Variants in PCSK2 observed in about 807,000 individuals in gnomAD.
PCSK2 encodes neuroendocrine convertase 2.
Under a neutral mutation model 69.7 loss-of-function variants are expected in PCSK2, and 14 were observed. The ratio of observed to expected loss-of-function variants is 0.20; its 90% CI spans 0.13 to 0.31. The LOEUF is 0.31. PCSK2 is among the 10% of genes least tolerant of loss of function. The pLI is 1.00. For synonymous variants in PCSK2, 307 were observed against 320.7 expected (o/e 0.96, Z 0.46); for missense variants, 544 against 842.5 (o/e 0.65, Z 4.39).
chr20:17,433,814 C>CTCCCCCTCTCTCT (rs1555795288), intron 7 of PCSK2, among the ~76,000 whole-genome samples: 4 of 70,862 alleles, frequency 5.6e-5, no homozygotes, highest in Admixed American at 1.6e-4. Flanking sequence ...TCTCTCTCTC[C>CTCCCCCTCTCTCT]CCCCACTTCC....
intron 2 of PCSK2, among the ~76,000 whole-genome samples, chr20:17,344,799 C>T (rs1460765186): frequency 6.6e-6 from 1 of 152,214 alleles, no homozygotes; most frequent in East Asian, 1.9e-4. Context: ...CCAGTGCCTT[C>T]TTACTTCCTT....
chr20:17,425,331 G>A (rs1402095171), intron 6 of PCSK2, among the ~76,000 whole-genome samples: 6 of 151,982 alleles, frequency 3.9e-5, no homozygotes, highest in African/African-American at 1.2e-4. Flanking sequence ...TTAAATAAAC[G>A]AATGCCAAAA....
At chr20:17,267,378 TG>T (rs1251555491) in intron 2 of PCSK2, among the ~76,000 whole-genome samples, 1 of 152,022 alleles carries the variant, frequency 6.6e-6, no homozygotes, top group Non-Finnish European at 1.5e-5. Flanking sequence ...AGAAATGCAA[TG>T]GGGGAGGTAT....
chr20:17,428,997 C>CAA (rs60206058), intron 6 of PCSK2, among the ~76,000 whole-genome samples: 2,299 of 37,012 alleles, frequency 0.062, 390 homozygotes, highest in Non-Finnish European at 0.07. Context: ...GACTCTGTCT[C>CAA]AAAAAAAAAA....
intron 11 of PCSK2, among the ~76,000 whole-genome samples, chr20:17,477,666 C>T (rs1188443400): frequency 6.6e-6 from 1 of 152,110 alleles, no homozygotes; most frequent in Non-Finnish European, 1.5e-5. Flanking sequence ...AAATATCCAA[C>T]ATGCACATGG....
chr20:17,309,194 T>A (rs368579779), intron 2 of PCSK2, among the ~76,000 whole-genome samples: 3 of 152,108 alleles, frequency 2.0e-5, no homozygotes, highest in East Asian at 3.9e-4. Flanking sequence ...AGTGAGTCAA[T>A]GAAGAGAGTT....
chr20:17,372,110 T>C (rs2030782409), intron 5 of PCSK2, among the ~76,000 whole-genome samples: 1 of 152,164 alleles, frequency 6.6e-6, no homozygotes, highest in African/African-American at 2.4e-5. Context: ...AAGGAAGAAC[T>C]GTCTAGTGAT....
intron 2 of PCSK2, among the ~76,000 whole-genome samples, chr20:17,352,848 G>A (rs573743129): frequency 4.2e-4 from 64 of 152,074 alleles, no homozygotes; most frequent in African/African-American, 1.5e-3. Flanking sequence ...ATTGACAGGC[G>A]GACCTAATTA....
At chr20:17,254,750 T>A (rs369378529) in intron 1 of PCSK2, among the ~76,000 whole-genome samples, 10 of 152,206 alleles carry the variant, frequency 6.6e-5, no homozygotes, top group African/African-American at 2.4e-4. Flanking sequence ...TGAAAGTAAT[T>A]GTATAGAATT....
intron 8 of PCSK2, among the ~76,000 whole-genome samples, chr20:17,437,997 A>AC (rs2032521596): frequency 7.0e-6 from 1 of 142,260 alleles, no homozygotes; most frequent in Non-Finnish European, 1.6e-5. Context: ...CCCCCCACCC[A>AC]CACCGTGCTC....
intron 4 of PCSK2, among the ~76,000 whole-genome samples, chr20:17,368,381 A>T (rs542563268): frequency 2.0e-5 from 3 of 152,320 alleles, no homozygotes; most frequent in African/African-American, 7.2e-5. Flanking sequence ...GCAGGCAGTT[A>T]TCAGGGTGGT....
At chr20:17,388,285 A>T (rs1451602436) in intron 5 of PCSK2, among the ~76,000 whole-genome samples, 1 of 152,168 alleles carries the variant, frequency 6.6e-6, no homozygotes, top group Non-Finnish European at 1.5e-5. Flanking sequence ...GGGGAATAAC[A>T]TGCCTAGATT....
chr20:17,254,321 A>G (rs947530536), intron 1 of PCSK2, among the ~76,000 whole-genome samples: 3 of 152,196 alleles, frequency 2.0e-5, no homozygotes, highest in Non-Finnish European at 4.4e-5. Context: ...GAGTTGTACA[A>G]TATTAGCTCT....
At chr20:17,249,908 A>G (rs1986911538) in intron 1 of PCSK2, among the ~76,000 whole-genome samples, 2 of 152,204 alleles carry the variant, frequency 1.3e-5, no homozygotes, top group Admixed American at 6.5e-5. Context: ...AGTTCTGGTA[A>G]TGGATAATAG....
At chr20:17,414,044 G>A (rs574368350) in intron 6 of PCSK2, among the ~76,000 whole-genome samples, 1 of 151,426 alleles carries the variant, frequency 6.6e-6, no homozygotes, top group East Asian at 2.0e-4. Context: ...TGTGTAGAGG[G>A]AAATTTATAG....
At chr20:17,277,881 C>G (rs1048927951) in intron 2 of PCSK2, among the ~76,000 whole-genome samples, 3 of 151,848 alleles carry the variant, frequency 2.0e-5, no homozygotes, top group African/African-American at 7.3e-5. Flanking sequence ...AAGAAAAAAA[C>G]AAACAACCCC....
At chr20:17,429,403 C>A (rs1392371000) in intron 6 of PCSK2, 32 bp from the exon 7 acceptor site, 1 of 1,546,140 alleles carries the variant, frequency 6.5e-7, no homozygotes, top group Non-Finnish European at 8.9e-7. Flanking sequence ...CGTTTCACTG[C>A]ATATCTAATG....
Position 17,227,196 on chromosome 20 carries a change from G to A in PCSK2, c.-110G>A. On this transcript the variant is annotated 5_prime_UTR_variant, in exon 1 of 12. Transcript: ENST00000262545. ...TGTTCAGTCTCTTTCTCTATACAAAGATTTTTTTAAAAACTATATATAAGA... is the reference window on the plus strand; with the variant it reads ...TGTTCAGTCTCTTTCTCTATACAAAAATTTTTTTAAAAACTATATATAAGA... 1.4e-6 allele frequency: 1 copy of A among 714,576 alleles called. No homozygotes were observed. Among genetic ancestry groups the A allele is most frequent in the Non-Finnish European group, 2.3e-6 (1 of 426,054 alleles). 44.3% of individuals were successfully genotyped at this position (714,576 alleles called of 1,614,324 possible).
chr20:17,437,344 A>G (rs2032505454), intron 8 of PCSK2, among the ~76,000 whole-genome samples: 1 of 152,200 alleles, frequency 6.6e-6, no homozygotes, highest in South Asian at 2.1e-4. Flanking sequence ...AGGGGGTCTG[A>G]GCATGCATTC....
Sources: gnomAD v4.1 joint callset for allele counts (sites outside exome capture counted in the v4.1 genomes callset) on GRCh38, gnomAD v4.1.1 for gene constraint, MANE v1.5 for transcripts, NCBI Gene and HGNC (gene_info 2026-07-23, HGNC 2026-07-21) for gene names.